The following GCNT1 variants were observed in gnomAD, a reference collection of about 807,000 sequenced individuals.
The protein encoded by GCNT1 is glucosaminyl (N-acetyl) transferase 1.
A neutral mutation model predicts 26.2 loss-of-function variants in GCNT1; 16 were observed. That is an observed-to-expected ratio of 0.61 (90% CI 0.41 to 0.93). The LOEUF (loss-of-function observed/expected upper bound fraction) is 0.93. GCNT1 is among the 40% of genes least tolerant of loss of function. The pLI is 0.00. For synonymous variants in GCNT1, 183 were observed against 190.8 expected, an observed-to-expected ratio of 0.96 and a Z score of 0.34; for missense variants, 477 against 526.7, an observed-to-expected ratio of 0.91 and a Z score of 0.92.
chr9:76,500,625 G>A (rs574246519), intron 2 of GCNT1, among the ~76,000 whole-genome samples: 1 of 152,220 alleles, frequency 6.6e-6, no homozygotes, highest in Non-Finnish European at 1.5e-5. Context: ...TAATCATACT[G>A]GACTGTTAAA....
At chr9:76,416,895 C>T (rs1439264593), upstream of GCNT1, among the ~76,000 whole-genome samples, 5 of 152,076 alleles carry the variant, frequency 3.3e-5, no homozygotes, top group African/African-American at 1.2e-4. Context: ...CCTGTCTCTA[C>T]TAAAAATACA....
chr9:76,454,414 A>T (rs1823719126), upstream of GCNT1, among the ~76,000 whole-genome samples: 1 of 149,934 alleles, frequency 6.7e-6, no homozygotes, highest in South Asian at 2.1e-4. Flanking sequence ...AAAAAAAAAA[A>T]GAACCAGTAT....
chr9:76,425,458 G>A (rs752610563), intron 1 of GCNT1, among the ~76,000 whole-genome samples: 2 of 151,976 alleles, frequency 1.3e-5, no homozygotes, highest in Non-Finnish European at 2.9e-5. Flanking sequence ...CCTGACCTCA[G>A]GTGATCCACC....
chr9:76,407,560 C>T, the GCNT1 span, among the ~76,000 whole-genome samples: 1 of 152,094 alleles, frequency 6.6e-6, no homozygotes, highest in Non-Finnish European at 1.5e-5. Context: ...AGTGTCAGTC[C>T]TCTGACTAAC....
upstream of GCNT1, among the ~76,000 whole-genome samples, chr9:76,457,653 G>A (rs998667605): frequency 4.6e-5 from 7 of 152,098 alleles, no homozygotes; most frequent in Admixed American, 1.3e-4. Context: ...TAATATGTTC[G>A]AAATTTCAAG....
At chr9:76,449,139 C>A (rs1422894795) in intron 1 of GCNT1, among the ~76,000 whole-genome samples, 1 of 151,888 alleles carries the variant, frequency 6.6e-6, no homozygotes, top group Non-Finnish European at 1.5e-5. Flanking sequence ...CCAGCCTGGG[C>A]AATAAAGCAA....
the GCNT1 span, among the ~76,000 whole-genome samples, chr9:76,401,925 C>A: frequency 6.6e-6 from 1 of 152,134 alleles, no homozygotes; most frequent in African/African-American, 2.4e-5. Flanking sequence ...CACTACATTT[C>A]TAAAGAAAGG....
upstream of GCNT1, among the ~76,000 whole-genome samples, chr9:76,457,482 C>A (rs71509882): frequency 0.12 from 18,101 of 152,130 alleles, 1,162 homozygotes; most frequent in African/African-American, 0.15. Flanking sequence ...CTCCTGACTT[C>A]AGGTGATCCA....
At chr9:76,421,861 TTTTTGTG>T (rs1280001211) in intron 1 of GCNT1, among the ~76,000 whole-genome samples, 2 of 151,764 alleles carry the variant, frequency 1.3e-5, no homozygotes, top group Non-Finnish European at 2.9e-5. Context: ...ACCCGACTAA[TTTTTGTG>T]TTTTTTGTAG....
At chr9:76,470,895 T>A (rs1824117836) in intron 2 of GCNT1, among the ~76,000 whole-genome samples, 1 of 152,206 alleles carries the variant, frequency 6.6e-6, no homozygotes, top group Non-Finnish European at 1.5e-5. Flanking sequence ...AGGAATGGGC[T>A]TAGGACACCA....
Position 76,502,727 on chromosome 9 carries a change from A to G in GCNT1, c.346A>G (p.Lys116Glu), listed in dbSNP as rs898616711. 6.2e-7 allele frequency: 1 copy of G among 1,614,112 alleles called. No individual in the cohort carries two copies. Among genetic ancestry groups the G allele is most frequent in the Non-Finnish European group, 8.5e-7 (1 of 1,179,926 alleles). ...CAAATATATTGTAGAACCCCTTAGTAAAGAAGAGGCGGAGTTTCCAATAGC... is the reference window on the plus strand; with the variant it reads ...CAAATATATTGTAGAACCCCTTAGTGAAGAAGAGGCGGAGTTTCCAATAGC... ...RRKYIVEPLSKEEAEFPIAYS... is the reference protein window; with the variant it reads ...RRKYIVEPLSEEEAEFPIAYS... The change falls in exon 4 of 4, where the codon AAA becomes GAA. Residue 116 changes from lysine (K) to glutamate (E), a missense_variant. Lys to Glu is a moderately conservative substitution (Grantham distance 56). Coordinates refer to ENST00000376730, the MANE Select transcript of GCNT1 (RefSeq NM_001490.5).
At chr9:76,428,892 G>C (rs1420932386) in intron 1 of GCNT1, among the ~76,000 whole-genome samples, 1 of 151,922 alleles carries the variant, frequency 6.6e-6, no homozygotes, top group Non-Finnish European at 1.5e-5. Flanking sequence ...TAGAGACGAG[G>C]TTTCTCCGTG....
intron 1 of GCNT1, among the ~76,000 whole-genome samples, chr9:76,447,151 CAAAAAAAAAAAAA>C (rs532132124): frequency 5.6e-5 from 2 of 35,992 alleles, no homozygotes; most frequent in Non-Finnish European, 4.7e-5. Context: ...AACCCTGTGT[CAAAAAAAAAAAAA>C]AAAAAAAAAA....
intron 2 of GCNT1, among the ~76,000 whole-genome samples, chr9:76,476,580 T>G (rs768047380): frequency 1.3e-5 from 2 of 152,160 alleles, no homozygotes; most frequent in Non-Finnish European, 2.9e-5. Flanking sequence ...GTTTTCTGTA[T>G]GTATATATAA....
chr9:76,430,616 G>T (rs1823326224), intron 1 of GCNT1, among the ~76,000 whole-genome samples: 1 of 151,834 alleles, frequency 6.6e-6, no homozygotes, highest in Non-Finnish European at 1.5e-5. Flanking sequence ...GAACTCCTGA[G>T]CTCAAGCCAT....
At chr9:76,470,851 G>A (rs1209506368) in intron 2 of GCNT1, among the ~76,000 whole-genome samples, 1 of 152,154 alleles carries the variant, frequency 6.6e-6, no homozygotes, top group East Asian at 1.9e-4. Context: ...GGGGTCAGGT[G>A]ATCAAGAATT....
At position 76,502,861 on chromosome 9, in the gene GCNT1, T is replaced by C; in HGVS notation, c.480T>C (p.Asp160=). 1 of 1,613,858 alleles carries C rather than the reference T, an allele frequency of 6.2e-7. No individual in the cohort carries two copies. The highest frequency in any genetic ancestry group is 1.6e-4 in the Middle Eastern group (1 of 6,062). ...YCIHVDTKSE[D]SYLAAVMGIA... ...TTCATGTGGACACAAAATCCGAGGA[T>C]TCCTATTTAGCTGCAGTGATGGGCA... is the stretch of plus-strand genomic sequence containing the variant. Residue 160 remains aspartate, a synonymous_variant, in exon 4 of 4, where the codon GAT becomes GAC. Transcript: ENST00000376730.
At chr9:76,403,689 ATCTT>A in the GCNT1 span, among the ~76,000 whole-genome samples, 1 of 152,184 alleles carries the variant, frequency 6.6e-6, no homozygotes, top group Non-Finnish European at 1.5e-5. Flanking sequence ...ACTGCATTCT[ATCTT>A]CTTCCTCAAT....
chr9:76,497,085 C>T (rs777192079), intron 2 of GCNT1, among the ~76,000 whole-genome samples: 5 of 152,198 alleles, frequency 3.3e-5, no homozygotes, highest in Non-Finnish European at 7.3e-5. Context: ...GTTGTCCTCA[C>T]TGGCAAATCC....
Sources: allele counts gnomAD v4.1 joint callset (sites outside exome capture counted in the v4.1 genomes callset), GRCh38; gene constraint gnomAD v4.1.1; transcripts MANE v1.5; gene names NCBI Gene and HGNC (gene_info 2026-07-23, HGNC 2026-07-21).